Variants in HELB observed in about 807,000 individuals in gnomAD.
The protein encoded by HELB is DNA 5'-3' helicase B.
HELB carries 96 observed loss-of-function variants against 101.7 expected under a neutral mutation model. That is an observed-to-expected ratio of 0.94 (90% CI 0.80 to 1.12). HELB has a LOEUF of 1.12. Among genes scored for constraint, HELB ranks in the 50% most tolerant of loss-of-function variants. The pLI is 0.00. For synonymous variants in HELB, 437 were observed against 459.7 expected, an observed-to-expected ratio of 0.95 and a Z score of 0.63; for missense variants, 1,210 against 1,291.9, an observed-to-expected ratio of 0.94 and a Z score of 0.97.
intron 11 of HELB, among the ~76,000 whole-genome samples, chr12:66,326,399 C>A (rs892696397): frequency 6.6e-6 from 1 of 152,014 alleles, no homozygotes; most frequent in African/African-American, 2.4e-5. Context: ...CATGCCACCA[C>A]GCCTGGCTAA....
chr12:66,321,992 C>G lies in HELB; in HGVS notation c.2200C>G (p.Gln734Glu), dbSNP rs994697005. The G allele has an allele frequency of 8.5e-7, 1 of 1,178,642 alleles. No homozygotes were observed. The highest frequency in any genetic ancestry group is 1.2e-6 in the Non-Finnish European group (1 of 815,094). 73.0% of individuals were successfully genotyped at this position (1,178,642 alleles called of 1,614,324 possible). A position where few individuals can be genotyped will look rare whatever the true frequency, so the allele number is the denominator to read the frequency against. The stretch of plus-strand genomic sequence containing the variant: ...AACTTTACTACAAGAAAATAACTTA[C>G]AAAATGCAAAAACATCACAATTTAT... Reference protein sequence around the residue: ...VKTLLQENNLQNAKTSQFIAF... With the variant: ...VKTLLQENNLENAKTSQFIAF... Residue 734 changes from glutamine to glutamate, a missense_variant, in exon 8 of 13, where the codon CAA (glutamine) becomes GAA (glutamate). By Grantham distance (29) the Gln-to-Glu change is conservative. Around this residue, in one of 2 missense-constraint regions of HELB, gnomAD observed 740 missense variants for 728.8 expected, o/e 1.02. Transcript: ENST00000247815.
intron 2 of HELB, among the ~76,000 whole-genome samples, 174 bp from the exon 3 acceptor site, chr12:66,306,171 A>G (rs1592629781): frequency 6.6e-6 from 1 of 152,250 alleles, no homozygotes; most frequent in Non-Finnish European, 1.5e-5. Context: ...CCATCTCAGT[A>G]CAAAAGCAAT....
intron 6 of HELB, among the ~76,000 whole-genome samples, chr12:66,317,672 C>T (rs1213540574): frequency 1.3e-5 from 2 of 152,120 alleles, no homozygotes; most frequent in African/African-American, 4.8e-5. Flanking sequence ...AATCATAATC[C>T]TCAAGTATTT....
chr12:66,333,685 AAAAACAAAAC>A (rs537595558), intron 12 of HELB, among the ~76,000 whole-genome samples: 99 of 152,272 alleles, frequency 6.5e-4, no homozygotes, highest in Middle Eastern at 3.4e-3. Context: ...ACTCTATCTC[AAAAACAAAAC>A]AAAACAAAAC....
At position 66,308,348 on chromosome 12, in the gene HELB, G is replaced by A. The variant is rs140378668; in HGVS notation, c.778-1358G>A. On this transcript the variant is annotated intron_variant, in intron 3 of 12. Coordinates refer to ENST00000247815, the MANE Select transcript of HELB (RefSeq NM_001370285.1). ...CTCCCTCCCGCCATGTCAGGATCTG[G>A]AAGTGTTTTCTCCTGTCCAGTCACT... 4.5e-3 allele frequency among the ~76,000 whole-genome samples: 691 copies of A among 152,270 alleles called. 2 individuals are homozygous for A. Among genetic ancestry groups the A allele is most frequent in the Non-Finnish European group, 7.8e-3 (528 of 68,030 alleles).
chr12:66,341,835 A>C (rs1428432304), downstream of HELB: 3 of 152,196 alleles, frequency 2.0e-5, no homozygotes, highest in African/African-American at 7.2e-5. Context: ...GCCACCTTGT[A>C]AAGAAGGTGC....
intron 12 of HELB, 110 bp downstream of exon 12, chr12:66,331,755 A>G (rs2053812276): frequency 9.4e-7 from 1 of 1,068,470 alleles, no homozygotes; most frequent in South Asian, 1.6e-5. Context: ...TGTTGGACTT[A>G]AAAACAATTG....
At chr12:66,340,442 T>C (rs1248329632), downstream of HELB, 1 of 152,260 alleles carries the variant, frequency 6.6e-6, no homozygotes, top group Non-Finnish European at 1.5e-5. Context: ...TCAGATCTTT[T>C]GCACAGTTTT....
chr12:66,312,724 C>T (rs1414647057), intron 4 of HELB, among the ~76,000 whole-genome samples: 6 of 152,144 alleles, frequency 3.9e-5, no homozygotes, highest in South Asian at 2.1e-4. Flanking sequence ...TGCAAGAGCA[C>T]GGAAAGAGCA....
downstream of HELB, chr12:66,342,962 C>G (rs2053928546): frequency 6.6e-6 from 1 of 152,194 alleles, no homozygotes; most frequent in Non-Finnish European, 1.5e-5. Context: ...TCCCAAAGTG[C>G]TGGCATTATA....
At chr12:66,328,918 C>A (rs1355458740) in intron 11 of HELB, among the ~76,000 whole-genome samples, 1 of 152,054 alleles carries the variant, frequency 6.6e-6, no homozygotes, top group African/African-American at 2.4e-5. Context: ...GCATATATGA[C>A]TTATTTTATA....
downstream of HELB, chr12:66,340,321 T>C (rs1247455517): frequency 6.6e-6 from 1 of 152,266 alleles, no homozygotes; most frequent in East Asian, 1.9e-4. Context: ...CTAGTGGGTA[T>C]GAAGTAGTAT....
intron 12 of HELB, among the ~76,000 whole-genome samples, chr12:66,332,526 A>G (rs896845266): frequency 1.3e-5 from 2 of 152,148 alleles, no homozygotes; most frequent in African/African-American, 2.4e-5. Flanking sequence ...GTGTGTCCAC[A>G]CTGTGGACAC....
At position 66,304,762 on chromosome 12, in the gene HELB, A is replaced by G. The variant is rs1442154241; in HGVS notation, c.219A>G (p.Thr73=). 3.1e-6 allele frequency: 5 copies of G among 1,613,286 alleles called. No individual in the cohort carries two copies. Among genetic ancestry groups the G allele is most frequent in the East Asian group, 2.2e-5 (1 of 44,872 alleles). The change falls in exon 2 of 13, where the codon ACA becomes ACG. Residue 73 remains threonine, a synonymous_variant. Coordinates refer to ENST00000247815, the MANE Select transcript of HELB (RefSeq NM_001370285.1). ...TTTGTGATGAAAACACACAAGAGAC[A>G]TGTAAAGTGTTTGGACGTTTTCCGA... ...VSICDENTQE[T]CKVFGRFPIT...
intron 11 of HELB, among the ~76,000 whole-genome samples, chr12:66,328,944 G>A (rs2053774756): frequency 6.6e-6 from 1 of 152,112 alleles, no homozygotes; most frequent in Non-Finnish European, 1.5e-5. Context: ...ATTGGACAGT[G>A]CTGTTCTAGA....
intron 12 of HELB, among the ~76,000 whole-genome samples, chr12:66,332,455 C>T (rs2053821012): frequency 1.3e-5 from 2 of 152,116 alleles, no homozygotes; most frequent in East Asian, 1.9e-4. Context: ...AATTGCATGC[C>T]ATTCTGGGCA....
chr12:66,313,653 G>C (rs550113887), intron 4 of HELB, among the ~76,000 whole-genome samples: 1 of 152,258 alleles, frequency 6.6e-6, no homozygotes, highest in African/African-American at 2.4e-5. Context: ...CCAGAATGGA[G>C]TACTATGGTT....
chr12:66,304,935 T>C lies in HELB; in HGVS notation c.392T>C (p.Leu131Pro), dbSNP rs777849853. Residue 131 changes from leucine to proline, a missense_variant, in exon 2 of 13, where the codon CTT (leucine) becomes CCT (proline). This residue lies in a region of HELB where 470 missense variants were observed against 563.1 expected (regional missense o/e 0.83). Coordinates refer to ENST00000247815, the MANE Select transcript of HELB (RefSeq NM_001370285.1). ...PNQKHICALF[L>P]KECEVSSDDV... ...CAAAAACATATCTGTGCTCTCTTTC[T>C]TAAAGAGTGTGAGGTCTCCAGTGAT... The C allele has an allele frequency of 6.2e-7, 1 of 1,613,900 alleles. No individual in the cohort carries two copies. Among genetic ancestry groups the C allele is most frequent in the South Asian group, 1.1e-5 (1 of 91,086 alleles).
At chr12:66,311,279 A>G (rs2053542215) in intron 4 of HELB, among the ~76,000 whole-genome samples, 1 of 152,006 alleles carries the variant, frequency 6.6e-6, no homozygotes. Flanking sequence ...TGGGCAACAT[A>G]GTGAGACCCC....
Sources: allele counts gnomAD v4.1 joint callset (sites outside exome capture counted in the v4.1 genomes callset), GRCh38; gene constraint gnomAD v4.1.1; regional missense constraint gnomAD v4.1.1; transcripts MANE v1.5; gene names NCBI Gene and HGNC (gene_info 2026-07-23, HGNC 2026-07-21).